LGI2: variants seen among roughly 807,000 people sequenced by gnomAD.
LGI2 encodes leucine-rich repeat LGI family member 2.
LGI2 carries 30 observed loss-of-function variants against 52.0 expected under a neutral mutation model. That is an observed-to-expected ratio of 0.58 (90% CI 0.43 to 0.78). The LOEUF (loss-of-function observed/expected upper bound fraction) is 0.78. Ranked by LOEUF, LGI2 falls within the 30% of genes least tolerant of loss-of-function variation. The pLI is 0.00. For synonymous variants in LGI2, 270 were observed against 271.8 expected (o/e 0.99, Z 0.06); for missense variants, 573 against 692.5 (o/e 0.83, Z 1.94).
chr4:25,014,443 T>C (rs973253756), intron 6 of LGI2, among the ~76,000 whole-genome samples: 1 of 151,466 alleles, frequency 6.6e-6, no homozygotes. Context: ...ATTTGAATTA[T>C]AAATGTAACT....
chr4:25,005,422 G>A lies in LGI2; in HGVS notation c.821-1154C>T, dbSNP rs905990756. Among the ~76,000 whole-genome samples, 16 of 152,012 alleles carry A rather than the reference G, an allele frequency of 1.1e-4. 1 individual carries two copies. Among genetic ancestry groups the A allele is most frequent in the South Asian group, 4.2e-4 (2 of 4,812 alleles). On this transcript the variant is annotated intron_variant, in intron 7 of 7. Transcript: ENST00000382114. ...CATACAATTCAGGAAACTCACTAAC[G>A]CACCAAGGGAATTATCATCATGTTT...
downstream of LGI2, among the ~76,000 whole-genome samples, chr4:24,995,175 A>G (rs1725033991): frequency 6.6e-6 from 1 of 152,156 alleles, no homozygotes; most frequent in Non-Finnish European, 1.5e-5. Context: ...TCTCTCTTAA[A>G]CAGTGTGTAT....
chr4:24,993,215 T>G, the LGI2 span, among the ~76,000 whole-genome samples: 3 of 152,220 alleles, frequency 2.0e-5, no homozygotes, highest in Admixed American at 1.3e-4. Context: ...TTTTCTCTGT[T>G]TCAGGTCTTA....
intron 4 of LGI2, among the ~76,000 whole-genome samples, chr4:25,023,257 T>C (rs1038759219): frequency 6.6e-5 from 10 of 152,192 alleles, no homozygotes; most frequent in Admixed American, 6.5e-4. Context: ...TAATAAATCA[T>C]GGCCTTGAGA....
At position 24,999,258 on chromosome 4, in the gene LGI2, T is replaced by C. The variant is rs1454535395; in HGVS notation, c.*4193A>G. On this transcript the variant is annotated 3_prime_UTR_variant, in exon 8 of 8. Coordinates refer to ENST00000382114, the MANE Select transcript of LGI2 (RefSeq NM_018176.4). Reference sequence around the variant, plus strand: ...CTTCTTATTTGAATGAGCATTACAGTTGGCTCTCTTCATTAATAATTGAGA... The same window carrying C: ...CTTCTTATTTGAATGAGCATTACAGCTGGCTCTCTTCATTAATAATTGAGA... 1 of 152,418 alleles carries C rather than the reference T, an allele frequency of 6.6e-6. No individual in the cohort carries two copies. Among genetic ancestry groups the C allele is most frequent in the Non-Finnish European group, 1.5e-5 (1 of 68,200 alleles). The allele number at this position is 152,418 out of a possible 1,614,324, so 9.4% of individuals were successfully genotyped here.
At chr4:24,997,636 T>C (rs926319568), downstream of LGI2, among the ~76,000 whole-genome samples, 1 of 152,192 alleles carries the variant, frequency 6.6e-6, no homozygotes, top group Admixed American at 6.5e-5. Flanking sequence ...TGGTTGCTTA[T>C]GGTTAGTATC....
Position 25,003,986 on chromosome 4 carries a change from T to C in LGI2, c.1103A>G (p.His368Arg). ...CGCATCCGTGTCCCTGAACCACTCG[T>C]GCAGTGACTGGTAAGAATAGAATCC... The part of the protein sequence containing the change: ...SKGFYSYQSL[H>R]EWFRDTDAEF... Residue 368 changes from histidine to arginine, a missense_variant, in exon 8 of 8, where the codon CAC (histidine) becomes CGC (arginine). Coordinates refer to ENST00000382114, the MANE Select transcript of LGI2 (RefSeq NM_018176.4). 6.2e-7 allele frequency: 1 copy of C among 1,614,224 alleles called. No homozygotes were observed. The highest frequency in any genetic ancestry group is 8.5e-7 in the Non-Finnish European group (1 of 1,180,032).
intron 7 of LGI2, among the ~76,000 whole-genome samples, chr4:25,011,374 T>C (rs1315520842): frequency 6.6e-6 from 1 of 152,178 alleles, no homozygotes; most frequent in East Asian, 1.9e-4. Context: ...GGAGGCCAGA[T>C]GGCCCGACGG....
At chr4:25,011,903 C>T (rs555712605) in intron 7 of LGI2, among the ~76,000 whole-genome samples, 6 of 152,202 alleles carry the variant, frequency 3.9e-5, no homozygotes, top group South Asian at 2.1e-4. Context: ...TAGCAAAGGG[C>T]ACTAGGAACA....
At chr4:24,995,588 T>C (rs1725048602), downstream of LGI2, among the ~76,000 whole-genome samples, 2 of 152,160 alleles carry the variant, frequency 1.3e-5, no homozygotes, top group South Asian at 4.1e-4. Context: ...GTTCAGAGCA[T>C]GGTGGCTGGC....
intron 4 of LGI2, among the ~76,000 whole-genome samples, chr4:25,024,403 A>G (rs1560294602): frequency 6.6e-6 from 1 of 152,076 alleles, no homozygotes; most frequent in Non-Finnish European, 1.5e-5. Context: ...AATCCCAGCT[A>G]CTCGGGAGGC....
At chr4:25,021,097 T>C (rs1371780982) in intron 4 of LGI2, among the ~76,000 whole-genome samples, 1 of 140,032 alleles carries the variant, frequency 7.1e-6, no homozygotes, top group African/African-American at 3.2e-5. Context: ...ATATACAGAA[T>C]GGTCAAAGCC....
At chr4:25,025,157 T>C (rs938659826) in intron 3 of LGI2, among the ~76,000 whole-genome samples, 4 of 151,966 alleles carry the variant, frequency 2.6e-5, no homozygotes, top group African/African-American at 7.3e-5. Context: ...GGTAAAAACA[T>C]CCTGGGGAGA....
intron 6 of LGI2, 30 bp downstream of exon 6, chr4:25,017,959 T>G (rs1440242973): frequency 1.3e-6 from 2 of 1,552,420 alleles, no homozygotes; most frequent in South Asian, 2.5e-5. Context: ...ATTCTAAATA[T>G]CCGTGTCTGA....
chr4:24,994,388 G>A (rs1724996296), downstream of LGI2, among the ~76,000 whole-genome samples: 1 of 152,174 alleles, frequency 6.6e-6, no homozygotes, highest in South Asian at 2.1e-4. Flanking sequence ...TGACATTAGA[G>A]AAAAGGCTTG....
rs1726171674 is a variant in LGI2 at position 25,026,973 on chromosome 4, G to A, written c.270-34C>T. On this transcript the variant is annotated intron_variant, in intron 2 of 7. Coordinates refer to ENST00000382114, the MANE Select transcript of LGI2 (RefSeq NM_018176.4). Reference sequence around the variant, plus strand: ...AAGAGACAGATTCCAATGGAGAGATGTAAAACTTGAGTCACATGGTAAAGC... The same window carrying A: ...AAGAGACAGATTCCAATGGAGAGATATAAAACTTGAGTCACATGGTAAAGC... The A allele has an allele frequency of 2.0e-6, 3 of 1,515,570 alleles. No individual in the cohort carries two copies. In the South Asian group the frequency reaches 3.4e-5, roughly 17 times the overall value. 93.9% of individuals were successfully genotyped at this position (1,515,570 alleles called of 1,614,324 possible). A position where few individuals can be genotyped will look rare whatever the true frequency, so the allele number is the denominator to read the frequency against.
intron 1 of LGI2, 77 bp from the exon 2 acceptor site, chr4:25,028,655 G>T: frequency 3.3e-6 from 4 of 1,209,206 alleles, no homozygotes; most frequent in Non-Finnish European, 4.8e-6. Flanking sequence ...ATCAAACTCT[G>T]CCTCCACCTG....
chr4:24,996,114 A>C (rs993441659), downstream of LGI2, among the ~76,000 whole-genome samples: 1 of 152,188 alleles, frequency 6.6e-6, no homozygotes, highest in African/African-American at 2.4e-5. Flanking sequence ...GGTACCGTAA[A>C]GATCAGAATT....
intron 7 of LGI2, among the ~76,000 whole-genome samples, chr4:25,009,160 A>C (rs1232479547): frequency 6.6e-6 from 1 of 152,202 alleles, no homozygotes; most frequent in Non-Finnish European, 1.5e-5. Flanking sequence ...TCAGAGGAAA[A>C]GCCAAGTCCT....
Sources: allele counts gnomAD v4.1 joint callset (sites outside exome capture counted in the v4.1 genomes callset), GRCh38; gene constraint gnomAD v4.1.1; transcripts MANE v1.5; gene names NCBI Gene and HGNC (gene_info 2026-07-23, HGNC 2026-07-21).